WIPF3: variants seen among roughly 807,000 people sequenced by gnomAD.
The protein encoded by WIPF3 is WAS/WASL interacting protein family member 3.
A neutral mutation model predicts 38.9 loss-of-function variants in WIPF3; 33 were observed. The observed-to-expected ratio is 0.85, with a 90% CI of 0.64 to 1.14. The LOEUF is 1.14. WIPF3 is among the 50% of genes most tolerant of loss of function. WIPF3 has a pLI of 0.00. For missense variants in WIPF3, 711 were observed against 652.5 expected (o/e 1.09, Z -0.98); for synonymous variants, 324 against 269.3 (o/e 1.20, Z -1.99).
At position 29,883,943 on chromosome 7, in the gene WIPF3, C is replaced by A. The variant is rs1191481659; in HGVS notation, c.449C>A (p.Pro150His). The change falls in exon 5 of 9, where the codon CCC (proline) becomes CAC (histidine). Residue 150 changes from proline (P) to histidine (H), a missense_variant. By Grantham distance (77) the Pro-to-His change is moderately conservative. Coordinates refer to ENST00000242140, the MANE Select transcript of WIPF3 (RefSeq NM_001080529.3). ...ISGPLIPPASPRLGNTSEAHG... is the reference protein window; with the variant it reads ...ISGPLIPPASHRLGNTSEAHG... ...GGCCCGCTTATCCCGCCTGCCTCTCCCAGGCTAGGCAATACCTCCGAGGCG... is the reference window on the plus strand; with the variant it reads ...GGCCCGCTTATCCCGCCTGCCTCTCACAGGCTAGGCAATACCTCCGAGGCG... The A allele has an allele frequency of 1.3e-6, 2 of 1,579,692 alleles. No homozygotes were observed. The highest frequency in any genetic ancestry group is 2.7e-5 in the African/African-American group (2 of 74,172).
At position 29,884,609 on chromosome 7, in the gene WIPF3, TG is replaced by T. The variant is rs1229954974; in HGVS notation, c.1099+18del. ...GGCCGACCAGGTAAGGAGCGCTGCC[TG>T]GCCCAGTGCCCCTGGTGGAGTGCGA... On this transcript the variant is annotated intron_variant, in intron 5 of 8. Transcript: ENST00000242140. The T allele has an allele frequency of 2.5e-6, 4 of 1,595,254 alleles. No individual in the cohort carries two copies. Among genetic ancestry groups the T allele is most frequent in the South Asian group, 1.1e-5 (1 of 87,418 alleles).
rs770998208 is a variant in WIPF3 at position 29,834,814 on chromosome 7, G to A, written c.90G>A (p.Pro30=). 3.4e-5 allele frequency: 28 copies of A among 827,508 alleles called. No homozygotes were observed. The Middle Eastern group carries it at 2.9e-3, about 86-fold the overall frequency. 51.3% of individuals were successfully genotyped at this position (827,508 alleles called of 1,614,324 possible). A position where few individuals can be genotyped will look rare whatever the true frequency, so the allele number is the denominator to read the frequency against. The change falls in exon 2 of 9, where the codon CCG becomes CCA. Residue 30 remains proline (P), a splice_region_variant and synonymous_variant. Coordinates refer to ENST00000242140, the MANE Select transcript of WIPF3 (RefSeq NM_001080529.3). The stretch of plus-strand genomic sequence containing the variant: ...CCCCTCCCCCACCATCAGCACCCCC[G>A]GTAAGACCTTTTTTTCTGATTGGTT... The part of the protein sequence containing the change: ...APPPPPPSAP[P]VSTDTSSLRR...
chr7:29,899,642 G>A (rs1373085015), intron 7 of WIPF3, among the ~76,000 whole-genome samples: 1 of 152,156 alleles, frequency 6.6e-6, no homozygotes, highest in Non-Finnish European at 1.5e-5. Context: ...TCCAGTATTG[G>A]GGTTAAATAA....
At chr7:29,898,753 C>T (rs896256367) in intron 7 of WIPF3, among the ~76,000 whole-genome samples, 1 of 152,202 alleles carries the variant, frequency 6.6e-6, no homozygotes, top group African/African-American at 2.4e-5. Flanking sequence ...CATTGGTGTA[C>T]ATATTTCTGG....
chr7:29,881,957 T>A (rs1785727718), intron 4 of WIPF3, among the ~76,000 whole-genome samples: 3 of 152,206 alleles, frequency 2.0e-5, no homozygotes, highest in Admixed American at 1.3e-4. Flanking sequence ...TTCAACTCCC[T>A]CGGAGCTCTC....
intron 2 of WIPF3, among the ~76,000 whole-genome samples, chr7:29,855,249 A>G (rs1409687482): frequency 6.6e-6 from 1 of 152,212 alleles, no homozygotes; most frequent in Admixed American, 6.5e-5. Flanking sequence ...GTGGATGCAC[A>G]TCCTTTCCCC....
At chr7:29,892,358 C>T (rs1179326574) in intron 7 of WIPF3, among the ~76,000 whole-genome samples, 1 of 152,204 alleles carries the variant, frequency 6.6e-6, no homozygotes, top group Non-Finnish European at 1.5e-5. Flanking sequence ...ACGGGGCTGC[C>T]TGCACATGAA....
At chr7:29,826,998 A>C (rs1562771588) in intron 1 of WIPF3, among the ~76,000 whole-genome samples, 1 of 152,144 alleles carries the variant, frequency 6.6e-6, no homozygotes, top group Non-Finnish European at 1.5e-5. Context: ...TATCTATCTC[A>C]TTGGGGTGTC....
chr7:29,874,155 C>T (rs1307349805), intron 2 of WIPF3, among the ~76,000 whole-genome samples: 1 of 151,916 alleles, frequency 6.6e-6, no homozygotes, highest in Non-Finnish European at 1.5e-5. Context: ...GTATGCCTCT[C>T]TGCTTGGTGC....
At chr7:29,848,389 G>A (rs902740590) in intron 2 of WIPF3, among the ~76,000 whole-genome samples, 43 of 152,210 alleles carry the variant, frequency 2.8e-4, no homozygotes, top group African/African-American at 8.2e-4. Flanking sequence ...AGGGAAGGAC[G>A]TGGGTTTCCC....
At position 29,884,020 on chromosome 7, in the gene WIPF3, C is replaced by T. The variant is rs1469080879; in HGVS notation, c.526C>T (p.Pro176Ser). ...TCGCCCCAACGTGCCTGCCCCGCCC[C>T]CTCCCACCCCACCCCCTCCGCCTCC... is the stretch of plus-strand genomic sequence containing the variant. ...PPRPNVPAPP[P>S]PTPPPPPPPL... Residue 176 changes from proline to serine, a missense_variant, in exon 5 of 9, where the codon CCT becomes TCT. Physicochemically the swap from Pro to Ser is moderately conservative, Grantham distance 74 (BLOSUM62 -1). Coordinates refer to ENST00000242140, the MANE Select transcript of WIPF3 (RefSeq NM_001080529.3). 1.4e-5 allele frequency: 17 copies of T among 1,193,192 alleles called. No individual in the cohort carries two copies. Among genetic ancestry groups the T allele is most frequent in the Non-Finnish European group, 1.6e-5 (15 of 909,574 alleles). The allele number at this position is 1,193,192 out of a possible 1,614,324, so 73.9% of individuals were successfully genotyped here.
At chr7:29,849,484 A>ATT (rs1785056959) in intron 2 of WIPF3, among the ~76,000 whole-genome samples, 1 of 152,216 alleles carries the variant, frequency 6.6e-6, no homozygotes, top group South Asian at 2.1e-4. Context: ...TGGGGCAATT[A>ATT]TTAAATCAAA....
chr7:29,822,530 C>A (rs922886521), intron 1 of WIPF3, among the ~76,000 whole-genome samples: 1 of 152,184 alleles, frequency 6.6e-6, no homozygotes, highest in Non-Finnish European at 1.5e-5. Flanking sequence ...GGTCTAAGAT[C>A]AGTTCTGCTG....
intron 2 of WIPF3, among the ~76,000 whole-genome samples, chr7:29,845,858 G>T (rs984536571): frequency 6.6e-6 from 1 of 152,216 alleles, no homozygotes; most frequent in Non-Finnish European, 1.5e-5. Flanking sequence ...AGTGAGTTTA[G>T]TGCAGATACT....
intron 8 of WIPF3, among the ~76,000 whole-genome samples, chr7:29,906,453 C>T (rs1786399053): frequency 6.6e-6 from 1 of 151,932 alleles, no homozygotes; most frequent in South Asian, 2.1e-4. Context: ...AATCAACAAA[C>T]TTGAAGATAG....
chr7:29,837,091 C>G (rs953578666), intron 2 of WIPF3, among the ~76,000 whole-genome samples: 1 of 152,134 alleles, frequency 6.6e-6, no homozygotes, highest in African/African-American at 2.4e-5. Context: ...CATGGTGGCT[C>G]ACACCTGTAA....
intron 1 of WIPF3, among the ~76,000 whole-genome samples, chr7:29,811,311 G>A (rs944258565): frequency 1.3e-5 from 2 of 151,856 alleles, no homozygotes; most frequent in Admixed American, 6.6e-5. Context: ...TTTAAAAATT[G>A]TTTGCCTTAA....
chr7:29,876,371 C>G (rs370723796), intron 3 of WIPF3, among the ~76,000 whole-genome samples: 1 of 152,164 alleles, frequency 6.6e-6, no homozygotes, highest in Non-Finnish European at 1.5e-5. Flanking sequence ...AAATCTCATA[C>G]CCATTAGTAA....
At chr7:29,876,546 G>A (rs925779975) in intron 3 of WIPF3, among the ~76,000 whole-genome samples, 7 of 152,196 alleles carry the variant, frequency 4.6e-5, no homozygotes, top group African/African-American at 1.7e-4. Context: ...AGATGTTGGA[G>A]CATGTATCAG....
Sources: allele counts gnomAD v4.1 joint callset (sites outside exome capture counted in the v4.1 genomes callset), GRCh38; gene constraint gnomAD v4.1.1; transcripts MANE v1.5; gene names NCBI Gene and HGNC (gene_info 2026-07-23, HGNC 2026-07-21).